The following HACE1 variants were observed in gnomAD, a reference collection of about 807,000 sequenced individuals.
The protein encoded by HACE1 is HECT domain and ankyrin repeat containing E3 ubiquitin protein ligase 1, also known as E3 ubiquitin-protein ligase HACE1.
A neutral mutation model predicts 118.4 loss-of-function variants in HACE1; 73 were observed. The ratio of observed to expected loss-of-function variants is 0.62; its 90% CI spans 0.51 to 0.75. The LOEUF is 0.75. HACE1 is among the 30% of genes least tolerant of loss of function. The pLI is 0.00. For synonymous variants in HACE1, 368 were observed against 374.8 expected, an observed-to-expected ratio of 0.98 and a Z score of 0.21; for missense variants, 749 against 1,102.2, an observed-to-expected ratio of 0.68 and a Z score of 4.54.
intron 22 of HACE1, among the ~76,000 whole-genome samples, chr6:104,736,646 C>T (rs1199316462): frequency 6.6e-6 from 1 of 152,062 alleles, no homozygotes; most frequent in Non-Finnish European, 1.5e-5. Flanking sequence ...ATTGACAATT[C>T]AGAGTAATAA....
intron 6 of HACE1, among the ~76,000 whole-genome samples, chr6:104,818,118 T>C (rs72996415): frequency 0.044 from 6,719 of 152,288 alleles, 195 homozygotes; most frequent in Non-Finnish European, 0.069. Context: ...TACCCCAACA[T>C]GAATTCTATA....
intron 11 of HACE1, chr6:104,787,092 T>G (rs1266648401): frequency 6.6e-6 from 1 of 152,118 alleles, no homozygotes; most frequent in Non-Finnish European, 1.5e-5. Flanking sequence ...TTAAATCACC[T>G]CAGGCCTTCA....
At chr6:104,814,756 G>A (rs1771944417) in intron 6 of HACE1, among the ~76,000 whole-genome samples, 1 of 136,946 alleles carries the variant, frequency 7.3e-6, no homozygotes, top group Non-Finnish European at 1.6e-5. Flanking sequence ...GCTCTCATGA[G>A]AGCTCATGGT....
chr6:104,763,983 G>A (rs1779688013), intron 19 of HACE1, among the ~76,000 whole-genome samples: 1 of 151,836 alleles, frequency 6.6e-6, no homozygotes, highest in Admixed American at 6.5e-5. Flanking sequence ...AGAGGCAAAG[G>A]TTGTAGTGGG....
chr6:104,830,553 T>C (rs1171910551), intron 6 of HACE1, among the ~76,000 whole-genome samples: 2 of 152,062 alleles, frequency 1.3e-5, no homozygotes, highest in Non-Finnish European at 2.9e-5. Flanking sequence ...TGATCATACA[T>C]CCTGAAACCA....
intron 19 of HACE1, among the ~76,000 whole-genome samples, chr6:104,750,881 T>C (rs530981242): frequency 1.6e-4 from 25 of 152,288 alleles, no homozygotes; most frequent in African/African-American, 5.8e-4. Flanking sequence ...TAAAAATATA[T>C]ATATGTGTAT....
chr6:104,852,469 C>A (rs541247263), intron 1 of HACE1, 98 bp from the exon 2 acceptor site: 3 of 738,050 alleles, frequency 4.1e-6, no homozygotes, highest in Non-Finnish European at 7.2e-6. Flanking sequence ...ATACAAAAAG[C>A]GAAAAGGAGA....
intron 20 of HACE1, among the ~76,000 whole-genome samples, chr6:104,745,471 G>A (rs1209090056): frequency 5.3e-5 from 2 of 37,536 alleles, no homozygotes; most frequent in Non-Finnish European, 9.3e-5. Context: ...TTTTGAGACC[G>A]AGTCTGGCTC....
intron 20 of HACE1, 131 bp downstream of exon 20, chr6:104,750,210 G>A: frequency 1.4e-6 from 1 of 734,518 alleles, no homozygotes; most frequent in South Asian, 1.7e-5. Flanking sequence ...CTCTAAAAAT[G>A]GACATTAAAC....
At chr6:104,845,431 A>G (rs1239874294) in intron 4 of HACE1, among the ~76,000 whole-genome samples, 1 of 151,766 alleles carries the variant, frequency 6.6e-6, no homozygotes, top group Non-Finnish European at 1.5e-5. Context: ...ACTTAAAATT[A>G]GCATTATAAT....
At chr6:104,816,513 G>C (rs938923145) in intron 6 of HACE1, among the ~76,000 whole-genome samples, 4 of 152,236 alleles carry the variant, frequency 2.6e-5, no homozygotes, top group African/African-American at 9.6e-5. Flanking sequence ...GAAGGCAAGA[G>C]ATGAGGTTTT....
At chr6:104,811,424 C>T (rs1427373965) in intron 6 of HACE1, 31 bp from the exon 7 acceptor site, 1 of 1,013,678 alleles carries the variant, frequency 9.9e-7, no homozygotes, top group South Asian at 1.3e-5. Context: ...AAAAGTAAAG[C>T]CAGAGGAATC....
At chr6:104,830,783 C>G (rs1176611137) in intron 6 of HACE1, among the ~76,000 whole-genome samples, 4 of 122,634 alleles carry the variant, frequency 3.3e-5, no homozygotes, top group African/African-American at 3.5e-5. Context: ...TTTGAAGAGA[C>G]GAGGTGCAGT....
intron 5 of HACE1, among the ~76,000 whole-genome samples, chr6:104,840,783 G>C (rs1775034622): frequency 6.6e-6 from 1 of 152,200 alleles, no homozygotes; most frequent in South Asian, 2.1e-4. Context: ...GACCAACATG[G>C]AGAAACCCCG....
At chr6:104,856,518 T>G (rs1327059325) in intron 1 of HACE1, among the ~76,000 whole-genome samples, 5 of 151,972 alleles carry the variant, frequency 3.3e-5, no homozygotes, top group African/African-American at 1.2e-4. Context: ...CACTGCAACC[T>G]CCGCCTCCCA....
At chr6:104,753,942 G>A (rs943692069) in intron 19 of HACE1, among the ~76,000 whole-genome samples, 2 of 152,154 alleles carry the variant, frequency 1.3e-5, no homozygotes, top group African/African-American at 4.8e-5. Context: ...CAGAAGGTGG[G>A]TAATAATAAA....
chr6:104,780,529 A>G, intron 14 of HACE1: 1 of 288,976 alleles, frequency 3.5e-6, no homozygotes, highest in South Asian at 3.3e-5. Context: ...TTTCTAGAGG[A>G]GGACAATCTC....
chr6:104,814,237 A>G (rs1172193426), intron 6 of HACE1, among the ~76,000 whole-genome samples: 1 of 137,836 alleles, frequency 7.3e-6, no homozygotes. Flanking sequence ...ACACGTGTCT[A>G]GTCTATTAAA....
chr6:104,756,169 T>A (rs1213953409), intron 19 of HACE1, among the ~76,000 whole-genome samples: 1 of 151,906 alleles, frequency 6.6e-6, no homozygotes, highest in East Asian at 1.9e-4. Flanking sequence ...TCCCAGCACT[T>A]TGAGAGGCTG....
Sources: gnomAD v4.1 joint callset for allele counts (sites outside exome capture counted in the v4.1 genomes callset) on GRCh38, gnomAD v4.1.1 for gene constraint, MANE v1.5 for transcripts, NCBI Gene and HGNC (gene_info 2026-07-23, HGNC 2026-07-21) for gene names.